RTN4IP1: variants seen among roughly 807,000 people sequenced by gnomAD.
RTN4IP1 encodes reticulon 4 interacting protein 1, also known as NAD(P)H oxidoreductase RTN4IP1, mitochondrial.
In RTN4IP1, 32 loss-of-function variants were observed where a neutral mutation model predicts 46.6. That is an observed-to-expected ratio of 0.69 (90% CI 0.52 to 0.92). The LOEUF (loss-of-function observed/expected upper bound fraction) is 0.92. Ranked by LOEUF, RTN4IP1 falls within the 40% of genes least tolerant of loss-of-function variation. The pLI, the probability that RTN4IP1 is intolerant of heterozygous loss-of-function variation, is 0.00. For missense variants in RTN4IP1, 424 were observed against 485.8 expected, an observed-to-expected ratio of 0.87 and a Z score of 1.20; for synonymous variants, 167 against 161.8, an observed-to-expected ratio of 1.03 and a Z score of -0.24.
At chr6:106,603,668 C>T (rs1775997325) in intron 4 of RTN4IP1, among the ~76,000 whole-genome samples, 1 of 152,136 alleles carries the variant, frequency 6.6e-6, no homozygotes, top group Non-Finnish European at 1.5e-5. Context: ...TGCTTATTGA[C>T]AAGGAAAGGA....
At chr6:106,617,569 C>T (rs1475062500) in intron 4 of RTN4IP1, among the ~76,000 whole-genome samples, 1 of 152,140 alleles carries the variant, frequency 6.6e-6, no homozygotes. Context: ...CCCAGGGCTC[C>T]AACTTCCCAG....
intron 1 of RTN4IP1, among the ~76,000 whole-genome samples, chr6:106,628,339 C>A (rs1033247957): frequency 6.0e-5 from 9 of 151,134 alleles, no homozygotes; most frequent in Admixed American, 4.6e-4. Context: ...TGGTGGCATG[C>A]GCCTGTAATC....
chr6:106,614,065 G>A (rs1307698323), intron 4 of RTN4IP1, among the ~76,000 whole-genome samples: 1 of 152,160 alleles, frequency 6.6e-6, no homozygotes, highest in Non-Finnish European at 1.5e-5. Context: ...ACCACCTTGG[G>A]TGCATGTCAT....
rs141058806 is a variant in RTN4IP1, at chr6:106,583,621, A to C, written c.991-201T>G. The C allele has an allele frequency of 1.8e-4, 87 of 494,306 alleles. 1 individual carries two copies. In the East Asian group the frequency reaches 3.1e-3, roughly 18 times the overall value. 30.6% of individuals were successfully genotyped at this position (494,306 alleles called of 1,614,324 possible). A position where few individuals can be genotyped will look rare whatever the true frequency, so the allele number is the denominator to read the frequency against. On this transcript the variant is annotated intron_variant, in intron 7 of 8. Transcript: ENST00000369063. Reference sequence around the variant, plus strand: ...AAATGTTTAATAAATAAATAACTGAACAAAGACATATCCATGTCACTCAGG... The same window carrying C: ...AAATGTTTAATAAATAAATAACTGACCAAAGACATATCCATGTCACTCAGG...
chr6:106,572,193 C>T, intron 8 of RTN4IP1, 90 bp from the exon 9 acceptor site: 1 of 1,039,666 alleles, frequency 9.6e-7, no homozygotes, highest in East Asian at 2.4e-5. Context: ...GACGGTGTCC[C>T]TCAAGCCACA....
At chr6:106,596,638 C>A (rs1775800137) in intron 5 of RTN4IP1, among the ~76,000 whole-genome samples, 1 of 152,134 alleles carries the variant, frequency 6.6e-6, no homozygotes, top group Admixed American at 6.5e-5. Flanking sequence ...ATGGCTGTTC[C>A]TACACTCTCT....
At chr6:106,591,528 G>A (rs1354300739) in intron 6 of RTN4IP1, among the ~76,000 whole-genome samples, 1 of 152,118 alleles carries the variant, frequency 6.6e-6, no homozygotes, top group Non-Finnish European at 1.5e-5. Context: ...TTAAACAGAA[G>A]CAGTAAAATA....
chr6:106,605,308 C>T (rs1391482734), intron 4 of RTN4IP1, among the ~76,000 whole-genome samples: 4 of 151,694 alleles, frequency 2.6e-5, no homozygotes, highest in Non-Finnish European at 4.4e-5. Flanking sequence ...GTGGCACACT[C>T]CTGTAGTCCC....
rs375161759 is a variant in RTN4IP1, at chr6:106,586,557, AG to A, written c.990+1121del. 3.4e-3 allele frequency among the ~76,000 whole-genome samples: 512 copies of A among 152,128 alleles called. 5 individuals are homozygous for A. Among genetic ancestry groups the A allele is most frequent in the African/African-American group, 0.012 (481 of 41,492 alleles). On this transcript the variant is annotated intron_variant, in intron 7 of 8. Coordinates refer to ENST00000369063, the MANE Select transcript of RTN4IP1 (RefSeq NM_032730.5). Reference sequence around the variant, plus strand: ...GGCAAATTTTTTTATTGTTTTGTAGAGATAAGCTCTCACTATGTTGCCCAGG... The same window carrying A: ...GGCAAATTTTTTTATTGTTTTGTAGAATAAGCTCTCACTATGTTGCCCAGG...
chr6:106,599,093 A>T (rs1775878825), intron 5 of RTN4IP1, among the ~76,000 whole-genome samples: 1 of 151,860 alleles, frequency 6.6e-6, no homozygotes, highest in Non-Finnish European at 1.5e-5. Context: ...TTGAAATAGT[A>T]GGTGACATTT....
intron 7 of RTN4IP1, 149 bp from the exon 8 acceptor site, chr6:106,583,569 ATGAC>A (rs1775418860): frequency 3.3e-6 from 2 of 613,126 alleles, no homozygotes; most frequent in East Asian, 2.9e-5. Flanking sequence ...CCTTGGCACA[ATGAC>A]TGACAGAGAA....
intron 4 of RTN4IP1, among the ~76,000 whole-genome samples, chr6:106,613,491 A>G (rs1015210639): frequency 4.6e-5 from 7 of 152,252 alleles, no homozygotes; most frequent in African/African-American, 1.7e-4. Flanking sequence ...ACAAGACAAC[A>G]CTATATGGAA....
upstream of RTN4IP1, chr6:106,629,692 G>A (rs1267214443): frequency 6.2e-7 from 1 of 1,606,232 alleles, no homozygotes; most frequent in Admixed American, 1.7e-5. Flanking sequence ...ATGCTGGGCC[G>A]GAGCCTCCGA....
At chr6:106,628,603 A>G (rs965578666) in intron 1 of RTN4IP1, 145 bp downstream of exon 1, 1 of 735,206 alleles carries the variant, frequency 1.4e-6, no homozygotes, top group African/African-American at 1.8e-5. Context: ...AATTTCAAAA[A>G]TTTTGGAAAT....
intron 8 of RTN4IP1, among the ~76,000 whole-genome samples, chr6:106,573,495 C>T (rs1775136640): frequency 6.6e-6 from 1 of 152,210 alleles, no homozygotes; most frequent in African/African-American, 2.4e-5. Context: ...CCACAAATCA[C>T]AATAAGCTCA....
At chr6:106,597,429 C>T (rs1582365085) in intron 5 of RTN4IP1, among the ~76,000 whole-genome samples, 1 of 152,136 alleles carries the variant, frequency 6.6e-6, no homozygotes. Context: ...ACTGCAGCCT[C>T]GACCTCCTGG....
At chr6:106,622,680 G>T in intron 2 of RTN4IP1, 138 bp downstream of exon 2, 1 of 820,984 alleles carries the variant, frequency 1.2e-6, no homozygotes, top group Non-Finnish European at 1.9e-6. Context: ...GGGGGCAGAT[G>T]CTGCAGATTC....
At chr6:106,629,742 C>A, upstream of RTN4IP1, 1 of 1,589,666 alleles carries the variant, frequency 6.3e-7, no homozygotes, top group Middle Eastern at 1.7e-4. Flanking sequence ...CCCGGGAGGG[C>A]GGAAAGTTTA....
intron 1 of RTN4IP1, 88 bp from the exon 2 acceptor site, chr6:106,623,057 AG>A: frequency 7.9e-7 from 1 of 1,273,198 alleles, no homozygotes; most frequent in Non-Finnish European, 1.1e-6. Flanking sequence ...GTACAATTTT[AG>A]GTCTTCAAGA....
Sources: allele counts gnomAD v4.1 joint callset (sites outside exome capture counted in the v4.1 genomes callset), GRCh38; gene constraint gnomAD v4.1.1; transcripts MANE v1.5; gene names NCBI Gene and HGNC (gene_info 2026-07-23, HGNC 2026-07-21).